The following NAGA variants were observed in gnomAD, a reference collection of about 807,000 sequenced individuals.
NAGA encodes the protein Acetylgalactosaminidase, alpha-N- (alpha-galactosidase B).
Under a neutral mutation model 45.6 loss-of-function variants are expected in NAGA, and 42 were observed. The observed-to-expected ratio is 0.92, with a 90% CI of 0.72 to 1.19. NAGA has a LOEUF of 1.19. Among genes scored for constraint, NAGA ranks in the 50% most tolerant of loss-of-function variants. NAGA has a pLI of 0.00. For synonymous variants in NAGA, 176 were observed against 203.1 expected, an observed-to-expected ratio of 0.87 and a Z score of 1.13; for missense variants, 493 against 544.8, an observed-to-expected ratio of 0.90 and a Z score of 0.95.
At chr22:42,068,177 G>C (rs537262978) in intron 2 of NAGA, among the ~76,000 whole-genome samples, 2 of 152,302 alleles carry the variant, frequency 1.3e-5, no homozygotes, top group Admixed American at 1.3e-4. Flanking sequence ...AGGGGGCCTG[G>C]CCTGACCTTC....
At chr22:42,069,715 A>C (rs954324432) in intron 1 of NAGA, among the ~76,000 whole-genome samples, 10 of 152,192 alleles carry the variant, frequency 6.6e-5, no homozygotes, top group African/African-American at 2.4e-4. Context: ...AAATTGTTGA[A>C]TATTTCATGC....
intron 6 of NAGA, among the ~76,000 whole-genome samples, chr22:42,064,245 C>T (rs1703931339): frequency 6.6e-6 from 1 of 151,490 alleles, no homozygotes; most frequent in South Asian, 2.1e-4. Flanking sequence ...GAGGCTGAGA[C>T]AGGAGAATCG....
chr22:42,063,584 TG>T (rs1414731757), intron 6 of NAGA, among the ~76,000 whole-genome samples: 2 of 152,262 alleles, frequency 1.3e-5, no homozygotes, highest in Admixed American at 1.3e-4. Context: ...TAAAACTTTT[TG>T]TTCTGTTAGC....
chr22:42,063,296 T>C (rs903744831), intron 6 of NAGA, among the ~76,000 whole-genome samples: 2 of 152,098 alleles, frequency 1.3e-5, no homozygotes, highest in African/African-American at 2.4e-5. Context: ...CGGCGGCTCA[T>C]GCTTGTAAAT....
chr22:42,067,606 T>C (rs1926818172), intron 3 of NAGA, among the ~76,000 whole-genome samples, 159 bp downstream of exon 3: 1 of 152,244 alleles, frequency 6.6e-6, no homozygotes, highest in African/African-American at 2.4e-5. Context: ...ATGCCCTTTC[T>C]GGCTCTCACT....
At chr22:42,065,377 C>CG (rs1020759060) in intron 6 of NAGA, among the ~76,000 whole-genome samples, 20 of 152,070 alleles carry the variant, frequency 1.3e-4, no homozygotes, top group Admixed American at 1.2e-3. Context: ...CAGAGGCACA[C>CG]GGGGGAGAGC....
At chr22:42,062,122 A>G (rs1389939216) in intron 7 of NAGA, among the ~76,000 whole-genome samples, 2 of 152,152 alleles carry the variant, frequency 1.3e-5, no homozygotes, top group Non-Finnish European at 2.9e-5. Context: ...AACTCCCAGC[A>G]CATGGTAGGT....
intron 5 of NAGA, among the ~76,000 whole-genome samples, 179 bp downstream of exon 5, chr22:42,066,528 GAGC>G (rs1926739329): frequency 6.6e-6 from 1 of 152,230 alleles, no homozygotes; most frequent in East Asian, 1.9e-4. Flanking sequence ...TGGGCTGGCT[GAGC>G]CCACCTGCTC....
intron 6 of NAGA, among the ~76,000 whole-genome samples, chr22:42,064,820 G>A (rs1020692175): frequency 9.9e-5 from 15 of 152,082 alleles, no homozygotes; most frequent in Admixed American, 5.2e-4. Flanking sequence ...GAAACAGAAC[G>A]GGACAAAGTC....
chr22:42,063,608 C>T (rs771441533), intron 6 of NAGA, among the ~76,000 whole-genome samples: 12 of 152,240 alleles, frequency 7.9e-5, no homozygotes, highest in Admixed American at 6.5e-5. Context: ...ATGCATGTAG[C>T]CTCCAGTCAC....
intron 6 of NAGA, 144 bp downstream of exon 6, chr22:42,065,594 A>T: frequency 8.8e-7 from 1 of 1,133,376 alleles, no homozygotes; most frequent in Non-Finnish European, 1.3e-6. Flanking sequence ...AGTCAAGTCT[A>T]AAGCAACCAG....
At chr22:42,065,925 C>T (rs1926700757) in intron 5 of NAGA, 26 bp from the exon 6 acceptor site, 1 of 1,612,412 alleles carries the variant, frequency 6.2e-7, no homozygotes, top group African/African-American at 1.3e-5. Context: ...AAGGCAGAGT[C>T]CAGCACCAGA....
intron 1 of NAGA, among the ~76,000 whole-genome samples, chr22:42,069,619 C>CAAAAA (rs60526991): frequency 1.1e-5 from 1 of 93,936 alleles, no homozygotes; most frequent in African/African-American, 4.3e-5. Flanking sequence ...GACTCCGTCT[C>CAAAAA]AAAAAAAAAA....
chr22:42,069,397 C>T (rs1044445807), intron 1 of NAGA, among the ~76,000 whole-genome samples: 6 of 152,022 alleles, frequency 3.9e-5, no homozygotes, highest in Non-Finnish European at 8.8e-5. Context: ...GGCGGATCAC[C>T]GTAAGTCAGG....
In NAGA at chr22:42,070,697, C is replaced by A; in HGVS notation, c.-400G>T. ...TGCGGCCAGGCTCCGGACTTCCAGC[C>A]GGGTCCGGGTTCCCGCCCTGGGCTC... On this transcript the variant is annotated 5_prime_UTR_variant, in exon 1 of 9. Coordinates refer to ENST00000396398, the MANE Select transcript of NAGA (RefSeq NM_000262.3). 1 of 337,060 alleles carries A rather than the reference C, an allele frequency of 3.0e-6. No homozygotes were observed. The highest frequency in any genetic ancestry group is 2.8e-5 in the South Asian group (1 of 36,054). The allele number at this position is 337,060 out of a possible 1,614,324, so 20.9% of individuals were successfully genotyped here.
chr22:42,066,900 G>A (rs1310096194), intron 4 of NAGA, 96 bp from the exon 5 acceptor site: 3 of 1,422,874 alleles, frequency 2.1e-6, no homozygotes, highest in Non-Finnish European at 2.9e-6. Flanking sequence ...GAAGAAACAA[G>A]CTCCAAACAG....
At chr22:42,060,796 A>G (rs1427156170) in intron 8 of NAGA, 128 bp downstream of exon 8, 42 of 1,337,828 alleles carry the variant, frequency 3.1e-5, no homozygotes, top group Non-Finnish European at 4.1e-5. Context: ...GCAGCTCCCC[A>G]TGGGCACCTG....
At position 42,067,836 on chromosome 22, in the gene NAGA, G is replaced by A. The variant is rs1193039826; in HGVS notation, c.253C>T (p.Arg85Cys). 9.9e-6 allele frequency: 16 copies of A among 1,612,386 alleles called. No homozygotes were observed. Among genetic ancestry groups the A allele is most frequent in the South Asian group, 2.2e-5 (2 of 91,072 alleles). Reference sequence around the variant, plus strand: ...GGCATCAGGCGGCCACTGGCATCGCGACCACCGATCCAGCAGTCATCAATG... The same window carrying A: ...GGCATCAGGCGGCCACTGGCATCGCAACCACCGATCCAGCAGTCATCAATG... ...LNIDDCWIGG[R>C]DASGRLMPDP... The change falls in exon 3 of 9, where the codon CGC becomes TGC. Residue 85 changes from arginine (R) to cysteine (C), a missense_variant. Arg to Cys is a radical substitution (Grantham distance 180). Coordinates refer to ENST00000396398, the MANE Select transcript of NAGA (RefSeq NM_000262.3).
At chr22:42,066,848 G>A (rs1926764359) in intron 4 of NAGA, 44 bp from the exon 5 acceptor site, 1 of 1,556,642 alleles carries the variant, frequency 6.4e-7, no homozygotes, top group Non-Finnish European at 8.8e-7. Context: ...AAGTGCAGGA[G>A]GCAGTCTGGG....
Sources: allele counts gnomAD v4.1 joint callset (sites outside exome capture counted in the v4.1 genomes callset), GRCh38; gene constraint gnomAD v4.1.1; transcripts MANE v1.5; gene names NCBI Gene and HGNC (gene_info 2026-07-23, HGNC 2026-07-21).